Variants in ULK4 observed in about 807,000 individuals in gnomAD.
The protein encoded by ULK4 is unc-51 like kinase 4.
Under a neutral mutation model 160.6 loss-of-function variants are expected in ULK4, and 133 were observed. The ratio of observed to expected loss-of-function variants is 0.83; its 90% confidence interval spans 0.72 to 0.96. ULK4 has a LOEUF of 0.96. Ranked by LOEUF, ULK4 falls within the 40% of genes least tolerant of loss-of-function variation. The pLI is 0.00. For synonymous variants in ULK4, 534 were observed against 539.8 expected (o/e 0.99, Z 0.15); for missense variants, 1,580 against 1,499.5 (o/e 1.05, Z -0.89).
chr3:41,261,695 C>G (rs2078947332), intron 35 of ULK4, among the ~76,000 whole-genome samples: 1 of 152,188 alleles, frequency 6.6e-6, no homozygotes, highest in African/African-American at 2.4e-5. Context: ...CCAGGCAAAG[C>G]AGGAACCGCA....
At chr3:41,908,508 C>G (rs1393472627) in intron 11 of ULK4, among the ~76,000 whole-genome samples, 1 of 151,928 alleles carries the variant, frequency 6.6e-6, no homozygotes, top group Non-Finnish European at 1.5e-5. Context: ...TGCAGTGGCA[C>G]GATCTCGGCT....
chr3:41,474,312 G>C (rs1305708135), intron 32 of ULK4, among the ~76,000 whole-genome samples: 1 of 152,066 alleles, frequency 6.6e-6, no homozygotes, highest in African/African-American at 2.4e-5. Flanking sequence ...ATATGTAGAA[G>C]ACTAAAACTG....
chr3:41,666,935 G>A (rs1301869744), intron 29 of ULK4, among the ~76,000 whole-genome samples: 1 of 152,016 alleles, frequency 6.6e-6, no homozygotes, highest in Non-Finnish European at 1.5e-5. Context: ...CATGAGTCCA[G>A]GAGTTGAGAC....
chr3:41,794,023 A>T (rs973019757), intron 20 of ULK4, among the ~76,000 whole-genome samples: 1 of 152,222 alleles, frequency 6.6e-6, no homozygotes, highest in African/African-American at 2.4e-5. Context: ...GCCTCTCCCC[A>T]GGGGGACTCT....
intron 34 of ULK4, among the ~76,000 whole-genome samples, chr3:41,399,967 A>AT (rs1469567134): frequency 6.6e-6 from 1 of 152,134 alleles, no homozygotes; most frequent in Non-Finnish European, 1.5e-5. Flanking sequence ...TCTTCGATGC[A>AT]TTTTGAGTTA....
At chr3:41,655,143 T>C (rs889231621) in intron 30 of ULK4, among the ~76,000 whole-genome samples, 1 of 149,976 alleles carries the variant, frequency 6.7e-6, no homozygotes, top group African/African-American at 2.5e-5. Flanking sequence ...ATGCCATCTC[T>C]ACAAAAAAAA....
chr3:41,780,344 C>G (rs1178583653), intron 21 of ULK4, among the ~76,000 whole-genome samples: 1 of 151,532 alleles, frequency 6.6e-6, no homozygotes, highest in East Asian at 1.9e-4. Context: ...TGTATGCTAT[C>G]TTTTATCTTT....
intron 22 of ULK4, among the ~76,000 whole-genome samples, chr3:41,724,491 G>A (rs1450758112): frequency 1.3e-5 from 2 of 152,054 alleles, no homozygotes; most frequent in Admixed American, 6.6e-5. Context: ...TTGGGAGGCC[G>A]AGGCGGGTGG....
intron 21 of ULK4, among the ~76,000 whole-genome samples, chr3:41,771,923 T>G (rs924184210): frequency 3.3e-5 from 5 of 152,124 alleles, no homozygotes; most frequent in Admixed American, 6.6e-5. Flanking sequence ...TAAGAAACAA[T>G]GAATTAGAGA....
At chr3:41,661,636 G>A (rs1575542590) in intron 30 of ULK4, among the ~76,000 whole-genome samples, 1 of 152,048 alleles carries the variant, frequency 6.6e-6, no homozygotes. Context: ...CTACCCCTAG[G>A]GGAGAAACCT....
intron 34 of ULK4, among the ~76,000 whole-genome samples, chr3:41,445,504 T>C (rs1157099934): frequency 6.6e-6 from 1 of 152,104 alleles, no homozygotes; most frequent in African/African-American, 2.4e-5. Flanking sequence ...CAAAACAGCA[T>C]GGTACTGGTA....
intron 16 of ULK4, 31 bp from the exon 17 acceptor site, chr3:41,883,983 A>G (rs1697625227): frequency 6.5e-7 from 1 of 1,528,126 alleles, no homozygotes; most frequent in Non-Finnish European, 9.1e-7. Context: ...GGCTCTGAAA[A>G]GAAGAGTCGG....
intron 32 of ULK4, among the ~76,000 whole-genome samples, chr3:41,479,991 A>T (rs1320578072): frequency 6.6e-6 from 1 of 152,078 alleles, no homozygotes; most frequent in East Asian, 1.9e-4. Context: ...GCGGATCGAG[A>T]GGTCAGGAGA....
intron 30 of ULK4, among the ~76,000 whole-genome samples, chr3:41,627,763 A>G (rs1256676718): frequency 6.6e-6 from 1 of 152,254 alleles, no homozygotes; most frequent in Non-Finnish European, 1.5e-5. Flanking sequence ...ATATGCATGT[A>G]TGCACAGGAT....
intron 34 of ULK4, among the ~76,000 whole-genome samples, chr3:41,402,577 G>A (rs1227594109): frequency 6.6e-6 from 1 of 152,108 alleles, no homozygotes; most frequent in Non-Finnish European, 1.5e-5. Flanking sequence ...AAGTGCTGGT[G>A]GTTCTGTCAA....
At chr3:41,738,584 A>C (rs1187197826) in intron 22 of ULK4, among the ~76,000 whole-genome samples, 1 of 151,932 alleles carries the variant, frequency 6.6e-6, no homozygotes, top group Admixed American at 6.6e-5. Flanking sequence ...TAGTTGGCTT[A>C]GTAAGATACA....
At chr3:41,317,514 GATA>G (rs1454727712) in intron 35 of ULK4, among the ~76,000 whole-genome samples, 1 of 151,998 alleles carries the variant, frequency 6.6e-6, no homozygotes, top group African/African-American at 2.4e-5. Flanking sequence ...AATGATTATT[GATA>G]ATGATAAATG....
chr3:41,518,582 C>G (rs1338059332), intron 32 of ULK4, among the ~76,000 whole-genome samples: 1 of 152,174 alleles, frequency 6.6e-6, no homozygotes, highest in Non-Finnish European at 1.5e-5. Context: ...AATAACTGTC[C>G]TCACTTTAAA....
chr3:41,685,002 T>C (rs937245980), intron 27 of ULK4, among the ~76,000 whole-genome samples: 3 of 152,266 alleles, frequency 2.0e-5, no homozygotes, highest in African/African-American at 7.2e-5. Flanking sequence ...CCTCATGCTG[T>C]AGCTCAGTAG....
Sources: allele counts gnomAD v4.1 joint callset (sites outside exome capture counted in the v4.1 genomes callset), GRCh38; gene constraint gnomAD v4.1.1; transcripts MANE v1.5; gene names NCBI Gene and HGNC (gene_info 2026-07-23, HGNC 2026-07-21).